The following EVC2 variants were observed in gnomAD, a reference collection of about 807,000 sequenced individuals.
EVC2 encodes EvC ciliary complex subunit 2.
EVC2 carries 148 observed loss-of-function variants against 149.3 expected under a neutral mutation model. The ratio of observed to expected loss-of-function variants is 0.99; its 90% CI spans 0.87 to 1.14. The LOEUF is 1.14. EVC2 is among the 50% of genes most tolerant of loss of function. The pLI is 0.00. For synonymous variants in EVC2, 776 were observed against 649.9 expected (o/e 1.19, Z -2.95); for missense variants, 1,854 against 1,627.3 (o/e 1.14, Z -2.40).
chr4:5,539,035 G>A, downstream of EVC2, among the ~76,000 whole-genome samples: 1 of 152,112 alleles, frequency 6.6e-6, no homozygotes, highest in East Asian at 1.9e-4. Context: ...CACCATGGTT[G>A]TCTAAATAGA....
chr4:5,535,941 C>T, the EVC2 span, among the ~76,000 whole-genome samples: 1 of 152,104 alleles, frequency 6.6e-6, no homozygotes, highest in East Asian at 1.9e-4. This position sits in a 1 kb window ranked among gnomAD's most constrained non-coding sequence, Gnocchi z 4.7. Context: ...CTACACAGTG[C>T]CTGGCACATA....
In EVC2 at chr4:5,622,979, G is replaced by C. The variant is rs368851256; in HGVS notation, c.2059C>G (p.Arg687Gly). The C allele has an allele frequency of 6.2e-7, 1 of 1,613,458 alleles. No homozygotes were observed. The highest frequency in any genetic ancestry group is 1.3e-5 in the African/African-American group (1 of 74,906). Residue 687 changes from arginine (R) to glycine (G), a missense_variant, in exon 14 of 22, where the codon CGT becomes GGT. By Grantham distance (125) the Arg-to-Gly change is moderately radical. Coordinates refer to ENST00000344408, the MANE Select transcript of EVC2 (RefSeq NM_147127.5). The surrounding 1 kb of genome is among the most constrained non-coding windows in gnomAD (Gnocchi z 5.8). Reference protein sequence around the residue: ...RELLQKHREQRREQASVGEAF... With the variant: ...RELLQKHREQGREQASVGEAF... ...TCGCCGACGGACGCCTGCTCCCTAC[G>C]CTGCTCCCTGTGCTGGAGTTTCAGA...
At chr4:5,598,585 C>T (rs1426528397) in intron 16 of EVC2, among the ~76,000 whole-genome samples, 1 of 152,160 alleles carries the variant, frequency 6.6e-6, no homozygotes, top group Non-Finnish European at 1.5e-5. Flanking sequence ...GGATTAAAGA[C>T]TTAAACGTTA....
At chr4:5,639,008 C>A (rs1717107987) in intron 10 of EVC2, among the ~76,000 whole-genome samples, 1 of 152,100 alleles carries the variant, frequency 6.6e-6, no homozygotes, top group Non-Finnish European at 1.5e-5. Context: ...GACAGGAGAA[C>A]CTAAAATGAG....
At chr4:5,641,164 TAA>T (rs2108864878) in intron 9 of EVC2, among the ~76,000 whole-genome samples, 1 of 152,304 alleles carries the variant, frequency 6.6e-6, no homozygotes, top group Admixed American at 6.5e-5. Context: ...GATTTAAAAA[TAA>T]AGTTTATTTT....
At chr4:5,661,193 C>G (rs1718852745) in intron 9 of EVC2, among the ~76,000 whole-genome samples, 2 of 152,116 alleles carry the variant, frequency 1.3e-5, no homozygotes, top group Non-Finnish European at 2.9e-5. Flanking sequence ...TTGAAGGGTT[C>G]ACATTTGGCC....
intron 15 of EVC2, 78 bp from the exon 16 acceptor site, chr4:5,615,622 G>A (rs1265518175): frequency 7.5e-6 from 12 of 1,607,056 alleles, no homozygotes; most frequent in Non-Finnish European, 1.0e-5. Context: ...GGGCTTTGCA[G>A]GTCAAGAGAA....
chr4:5,554,168 T>C (rs756657226), intron 21 of EVC2, among the ~76,000 whole-genome samples: 2 of 152,154 alleles, frequency 1.3e-5, no homozygotes, highest in Non-Finnish European at 2.9e-5. Flanking sequence ...TTGAGAAAAC[T>C]GAAAATCAGT....
intron 21 of EVC2, among the ~76,000 whole-genome samples, chr4:5,553,199 G>A (rs575999002): frequency 1.3e-5 from 2 of 152,316 alleles, no homozygotes; most frequent in Admixed American, 1.3e-4. Flanking sequence ...AGGAGAAGGG[G>A]AAGCAGGCAT....
Position 5,640,388 on chromosome 4 carries a change from G to A in EVC2, c.1470+126C>T, listed in dbSNP as rs899155905. The A allele has an allele frequency of 7.4e-5, 79 of 1,063,338 alleles. 3 individuals are homozygous for A. Among genetic ancestry groups the A allele is most frequent in the Middle Eastern group, 2.8e-4 (1 of 3,588 alleles). 65.9% of individuals were successfully genotyped at this position (1,063,338 alleles called of 1,614,324 possible). A position where few individuals can be genotyped will look rare whatever the true frequency, so the allele number is the denominator to read the frequency against. On this transcript the variant is annotated intron_variant, in intron 10 of 21. Transcript: ENST00000344408. The surrounding 1 kb of genome is among the most constrained non-coding windows in gnomAD (Gnocchi z 4.6). Reference sequence around the variant, plus strand: ...TGGAAGGATGAATAGATGAATGAGTGGGTGGTTGGATGGATGATGGGTAGA... The same window carrying A: ...TGGAAGGATGAATAGATGAATGAGTAGGTGGTTGGATGGATGATGGGTAGA...
At chr4:5,547,940 G>A (rs961299452) in intron 21 of EVC2, among the ~76,000 whole-genome samples, 14 of 152,138 alleles carry the variant, frequency 9.2e-5, no homozygotes, top group African/African-American at 2.2e-4. Flanking sequence ...CCAAGCTTCC[G>A]TGTGCCACCG....
chr4:5,682,520 T>A (rs1053552709), intron 6 of EVC2, among the ~76,000 whole-genome samples: 2 of 149,438 alleles, frequency 1.3e-5, no homozygotes, highest in African/African-American at 2.5e-5. Flanking sequence ...AATAATAAAA[T>A]TTTTTAAAAG....
At chr4:5,535,366 G>A in the EVC2 span, among the ~76,000 whole-genome samples, 2 of 152,226 alleles carry the variant, frequency 1.3e-5, no homozygotes, top group Admixed American at 6.5e-5. The surrounding 1 kb of genome is among the most constrained non-coding windows in gnomAD (Gnocchi z 4.7). Context: ...CTGTGAGTTC[G>A]TCTGATTCGT....
intron 17 of EVC2, among the ~76,000 whole-genome samples, chr4:5,581,453 A>G (rs541939762): frequency 6.6e-6 from 1 of 152,358 alleles, no homozygotes; most frequent in African/African-American, 2.4e-5. Flanking sequence ...AGTAAAGGTC[A>G]CTTTTGCCAT....
At chr4:5,645,147 T>C (rs1262928192) in intron 9 of EVC2, among the ~76,000 whole-genome samples, 2 of 152,184 alleles carry the variant, frequency 1.3e-5, no homozygotes, top group African/African-American at 2.4e-5. Context: ...GGCCATACTA[T>C]AAGGTAAGGC....
At chr4:5,673,423 G>A (rs1010137028) in intron 7 of EVC2, among the ~76,000 whole-genome samples, 4 of 152,186 alleles carry the variant, frequency 2.6e-5, no homozygotes, top group Non-Finnish European at 5.9e-5. Flanking sequence ...TCAGCCCCAC[G>A]TAAATCATAC....
intron 3 of EVC2, among the ~76,000 whole-genome samples, chr4:5,693,028 G>A (rs1721233542): frequency 6.6e-6 from 1 of 152,158 alleles, no homozygotes; most frequent in Non-Finnish European, 1.5e-5. Context: ...TAACGTGCTG[G>A]GACCCTAAGA....
At chr4:5,656,276 T>G (rs2108886320) in intron 9 of EVC2, among the ~76,000 whole-genome samples, 1 of 152,054 alleles carries the variant, frequency 6.6e-6, no homozygotes, top group East Asian at 1.9e-4. Context: ...TCAGGAACAT[T>G]CCATAAACCA....
At chr4:5,645,270 A>G (rs1414443695) in intron 9 of EVC2, among the ~76,000 whole-genome samples, 1 of 144,324 alleles carries the variant, frequency 6.9e-6, no homozygotes, top group Non-Finnish European at 1.5e-5. Flanking sequence ...TTTTTTCTTA[A>G]CTTTTAAGTT....
Sources: allele counts gnomAD v4.1 joint callset (sites outside exome capture counted in the v4.1 genomes callset), GRCh38; gene constraint gnomAD v4.1.1; non-coding constraint Gnocchi (gnomAD v3.1); transcripts MANE v1.5; gene names NCBI Gene and HGNC (gene_info 2026-07-23, HGNC 2026-07-21).